C9orf153: variants seen among roughly 807,000 people sequenced by gnomAD.
The protein encoded by C9orf153 is chromosome 9 open reading frame 153.
A neutral mutation model predicts 9.0 loss-of-function variants in C9orf153; 10 were observed. That is an observed-to-expected ratio of 1.11 (90% CI 0.69 to 1.89). C9orf153 has a LOEUF of 1.89. Ranked by LOEUF, C9orf153 falls within the 40% of genes most tolerant of loss-of-function variation. C9orf153 has a pLI of 0.00. For synonymous variants in C9orf153, 35 were observed against 37.3 expected (o/e 0.94, Z 0.23); for missense variants, 108 against 111.0 (o/e 0.97, Z 0.12).
At position 86,220,617 on chromosome 9, in the gene C9orf153, A is replaced by G. The variant is rs563099683; in HGVS notation, c.*1071T>C. 20 of 152,132 alleles carry G rather than the reference A, an allele frequency of 1.3e-4. No homozygotes were observed. The highest frequency in any genetic ancestry group is 4.3e-4 in the African/African-American group (18 of 41,510). 9.4% of individuals were successfully genotyped at this position (152,132 alleles called of 1,614,324 possible). On this transcript the variant is annotated 3_prime_UTR_variant, in exon 4 of 4. Transcript: ENST00000339137. ...TGTATGTAATCCATCTCTCTTTCGT[A>G]GATTATATTTTCCTTTACTGCTTAG...
chr9:86,235,293 G>A (rs531012067), intron 1 of C9orf153, among the ~76,000 whole-genome samples: 18 of 152,254 alleles, frequency 1.2e-4, no homozygotes, highest in South Asian at 2.1e-4. Flanking sequence ...AGGTATATAA[G>A]CAGAAGATGA....
chr9:86,227,267 C>G (rs116991392), intron 3 of C9orf153: 1 of 1,378,860 alleles, frequency 7.3e-7, no homozygotes, highest in Non-Finnish European at 9.3e-7. Context: ...CCACCTAAAC[C>G]TCTCGGGTAG....
At chr9:86,237,634 C>T (rs554501111) in intron 1 of C9orf153, among the ~76,000 whole-genome samples, 1 of 152,148 alleles carries the variant, frequency 6.6e-6, no homozygotes, top group South Asian at 2.1e-4. Context: ...TAAAGAGATA[C>T]AGAAAGAGAT....
At chr9:86,244,922 A>C (rs1824833203) in intron 1 of C9orf153, among the ~76,000 whole-genome samples, 1 of 152,170 alleles carries the variant, frequency 6.6e-6, no homozygotes, top group Non-Finnish European at 1.5e-5. Flanking sequence ...TATCTCCTGC[A>C]AACTTACACC....
chr9:86,231,006 C>T (rs1003930376), intron 1 of C9orf153, among the ~76,000 whole-genome samples: 1 of 152,142 alleles, frequency 6.6e-6, no homozygotes, highest in Non-Finnish European at 1.5e-5. Context: ...GGCTTTCCTA[C>T]ACATTCTTGG....
intron 1 of C9orf153, among the ~76,000 whole-genome samples, chr9:86,243,942 C>T (rs1280407617): frequency 6.6e-6 from 1 of 152,152 alleles, no homozygotes; most frequent in Non-Finnish European, 1.5e-5. Flanking sequence ...GTTCATAAGG[C>T]CATCCATTCA....
chr9:86,236,548 C>CAAAAAAAAAAAAAA (rs976982879), intron 1 of C9orf153, among the ~76,000 whole-genome samples: 3 of 65,326 alleles, frequency 4.6e-5, no homozygotes, highest in Middle Eastern at 9.6e-3. Context: ...GACTCCATCT[C>CAAAAAAAAAAAAAA]AAAAAAAAAA....
chr9:86,253,483 T>C (rs1243758468), intron 1 of C9orf153, among the ~76,000 whole-genome samples: 1 of 152,202 alleles, frequency 6.6e-6, no homozygotes, highest in Non-Finnish European at 1.5e-5. Flanking sequence ...GGGTTCCTAG[T>C]TTCAAGAGGC....
At chr9:86,254,642 C>T (rs770252231) in intron 1 of C9orf153, among the ~76,000 whole-genome samples, 1 of 152,196 alleles carries the variant, frequency 6.6e-6, no homozygotes, top group Non-Finnish European at 1.5e-5. Context: ...CTTCTGTTTC[C>T]ATAGAAATGC....
chr9:86,228,022 T>A lies in C9orf153; in HGVS notation c.75A>T (p.Glu25Asp). Reference sequence around the variant, plus strand: ...TAAAATTCTCAATACATGCATATAATTCTGGAAGCTGTGGACAAAAAAAAA... The same window carrying A: ...TAAAATTCTCAATACATGCATATAAATCTGGAAGCTGTGGACAAAAAAAAA... ...EATLPQCSLP[E>D]LYACIENFNK... Residue 25 changes from glutamate to aspartate, a missense_variant, in exon 3 of 4, where the codon GAA (glutamate) becomes GAT (aspartate). By Grantham distance (45) the Glu-to-Asp change is conservative (BLOSUM62 2). Coordinates refer to ENST00000339137, the MANE Select transcript of C9orf153 (RefSeq NM_001276366.4). The A allele has an allele frequency of 1.3e-6, 2 of 1,596,546 alleles. No individual in the cohort carries two copies. Among genetic ancestry groups the A allele is most frequent in the Admixed American group, 1.8e-5 (1 of 56,590 alleles).
At chr9:86,252,992 A>C (rs1168544487) in intron 1 of C9orf153, among the ~76,000 whole-genome samples, 1 of 118,874 alleles carries the variant, frequency 8.4e-6, no homozygotes, top group Non-Finnish European at 1.9e-5. Context: ...GAGTTAAGAA[A>C]ACTTTTTTTT....
At chr9:86,254,085 C>T (rs1243531598) in intron 1 of C9orf153, among the ~76,000 whole-genome samples, 3 of 88,812 alleles carry the variant, frequency 3.4e-5, no homozygotes, top group African/African-American at 1.4e-4. Flanking sequence ...AGCGAGACTC[C>T]ATTTCAAAAA....
intron 1 of C9orf153, among the ~76,000 whole-genome samples, chr9:86,240,149 T>A (rs1824698621): frequency 6.6e-6 from 1 of 152,142 alleles, no homozygotes; most frequent in South Asian, 2.1e-4. Context: ...ACCCAACAAC[T>A]TTCTGACACA....
chr9:86,233,176 A>G (rs1824508545), intron 1 of C9orf153, among the ~76,000 whole-genome samples: 1 of 152,030 alleles, frequency 6.6e-6, no homozygotes, highest in Non-Finnish European at 1.5e-5. Flanking sequence ...CTTTCTTTGC[A>G]AATATGTAAA....
chr9:86,230,310 TA>T (rs1184795723), intron 1 of C9orf153, among the ~76,000 whole-genome samples: 1 of 152,250 alleles, frequency 6.6e-6, no homozygotes, highest in African/African-American at 2.4e-5. Context: ...TTTATGTATT[TA>T]TTTTTTTGAG....
chr9:86,245,087 C>G (rs1285951996), intron 1 of C9orf153, among the ~76,000 whole-genome samples: 1 of 152,092 alleles, frequency 6.6e-6, no homozygotes, highest in Non-Finnish European at 1.5e-5. Flanking sequence ...CCACCACAAC[C>G]AACTAATTTT....
intron 1 of C9orf153, among the ~76,000 whole-genome samples, chr9:86,236,660 C>G (rs1337060402): frequency 6.6e-6 from 1 of 151,362 alleles, no homozygotes; most frequent in Non-Finnish European, 1.5e-5. Context: ...TAAAGAAGTT[C>G]TTCAGAGAGA....
At chr9:86,246,625 C>T (rs1286216436) in intron 1 of C9orf153, among the ~76,000 whole-genome samples, 1 of 152,174 alleles carries the variant, frequency 6.6e-6, no homozygotes, top group African/African-American at 2.4e-5. Flanking sequence ...TTTCTCTCAA[C>T]ATCTAATTGT....
In C9orf153 at chr9:86,221,371, T is replaced by C. The variant is rs7036724; in HGVS notation, c.*317A>G. 0.038 allele frequency: 11,122 copies of C among 290,060 alleles called. 1,156 individuals carry two copies. The highest frequency in any genetic ancestry group is 0.22 in the African/African-American group (10,031 of 45,484). 18.0% of individuals were successfully genotyped at this position (290,060 alleles called of 1,614,324 possible). On this transcript the variant is annotated 3_prime_UTR_variant, in exon 4 of 4. Coordinates refer to ENST00000339137, the MANE Select transcript of C9orf153 (RefSeq NM_001276366.4). ...GTATTAACGGCTTAATTTTACAATA[T>C]ACCTTCATGTGTGTTGTACACACTC...
Sources: gnomAD v4.1 joint callset for allele counts (sites outside exome capture counted in the v4.1 genomes callset) on GRCh38, gnomAD v4.1.1 for gene constraint, MANE v1.5 for transcripts, NCBI Gene and HGNC (gene_info 2026-07-23, HGNC 2026-07-21) for gene names.